TRIP12: variants seen among roughly 807,000 people sequenced by gnomAD.
The protein encoded by TRIP12 is E3 ubiquitin-protein ligase TRIP12.
A neutral mutation model predicts 244.2 loss-of-function variants in TRIP12; 25 were observed. The ratio of observed to expected loss-of-function variants is 0.10; its 90% CI spans 0.07 to 0.14. TRIP12 has a LOEUF of 0.14. Ranked by LOEUF, TRIP12 falls within the 10% of genes least tolerant of loss-of-function variation. The pLI is 1.00. For synonymous variants in TRIP12, 905 were observed against 873.1 expected, an observed-to-expected ratio of 1.04 and a Z score of -0.64; for missense variants, 1,677 against 2,486.4, an observed-to-expected ratio of 0.67 and a Z score of 6.92.
intron 8 of TRIP12, among the ~76,000 whole-genome samples, chr2:229,822,372 A>G (rs1243616967): frequency 1.3e-5 from 2 of 152,296 alleles, no homozygotes; most frequent in Admixed American, 1.3e-4. Flanking sequence ...ACATTTTGAG[A>G]CTGCTCAACT....
At chr2:229,898,053 G>C in intron 1 of TRIP12, among the ~76,000 whole-genome samples, 1 of 152,180 alleles carries the variant, frequency 6.6e-6, no homozygotes, top group East Asian at 1.9e-4. Context: ...TTAGAAAGCA[G>C]TCTTTAGAGA....
chr2:229,785,633 CAAGAGAAAA>C, intron 34 of TRIP12, 115 bp downstream of exon 34: 1 of 866,126 alleles, frequency 1.2e-6, no homozygotes, highest in Non-Finnish European at 1.7e-6. Flanking sequence ...ACAAATCATT[CAAGAGAAAA>C]GAGAGCAAAG....
chr2:229,873,752 T>A (rs1560032000), intron 2 of TRIP12, among the ~76,000 whole-genome samples: 1 of 152,050 alleles, frequency 6.6e-6, no homozygotes, highest in Non-Finnish European at 1.5e-5. Context: ...TAAAGAAAAA[T>A]AATAAATAGA....
chr2:229,878,499 G>C (rs1202141595), intron 2 of TRIP12, among the ~76,000 whole-genome samples: 1 of 151,228 alleles, frequency 6.6e-6, no homozygotes, highest in Non-Finnish European at 1.5e-5. Flanking sequence ...AGCTGCCCTA[G>C]TCCAAAGTCC....
Position 229,815,113 on chromosome 2 carries a change from C to T in TRIP12, c.1717G>A (p.Val573Ile). Residue 573 changes from valine to isoleucine, a missense_variant, in exon 11 of 42, where the codon GTC becomes ATC. Transcript: ENST00000675903. ...AGTAGGATCACCTTTTCTAAAAAGA[C>T]AGGAATAGCATCTACTACAACAGCA... ...SSAVVVDAIP[V>I]FLEKLQVIQC... is the part of the protein sequence containing the mutation. The T allele has an allele frequency of 1.9e-6, 3 of 1,610,252 alleles. No individual in the cohort carries two copies. The highest frequency in any genetic ancestry group is 2.5e-6 in the Non-Finnish European group (3 of 1,178,674).
intron 2 of TRIP12, among the ~76,000 whole-genome samples, chr2:229,863,457 A>C (rs1282016043): frequency 2.0e-4 from 30 of 152,240 alleles, no homozygotes; most frequent in Non-Finnish European, 1.5e-5. Context: ...GCAATACTGT[A>C]TGTCAAAAAA....
intron 1 of TRIP12, among the ~76,000 whole-genome samples, chr2:229,914,373 A>C (rs2074967369): frequency 6.6e-6 from 1 of 152,196 alleles, no homozygotes; most frequent in South Asian, 2.1e-4. Flanking sequence ...GAATTACGAA[A>C]CACTGGGGTC....
At chr2:229,772,656 G>T (rs1273623309) in intron 38 of TRIP12, among the ~76,000 whole-genome samples, 1 of 152,058 alleles carries the variant, frequency 6.6e-6, no homozygotes, top group East Asian at 1.9e-4. Flanking sequence ...TAGAGACGGG[G>T]TTTCACGATG....
intron 15 of TRIP12, among the ~76,000 whole-genome samples, 173 bp from the exon 16 acceptor site, chr2:229,808,542 A>T (rs1411813714): frequency 6.6e-6 from 1 of 152,210 alleles, no homozygotes; most frequent in Non-Finnish European, 1.5e-5. Context: ...GCCTAAAAAA[A>T]ATTTGTGTAG....
In TRIP12 at chr2:229,843,503, G is replaced by A. The variant is rs549924009; in HGVS notation, c.1028-2576C>T. 1.3e-3 allele frequency among the ~76,000 whole-genome samples: 201 copies of A among 152,290 alleles called. 7 individuals are homozygous for A. In the South Asian group the frequency reaches 0.04, roughly 30 times the overall value. ...GCACTTTGGGAGGCCAAGGCCTGAG[G>A]ATCATTTGAGTCCTGAGAGTCTGAG... On this transcript the variant is annotated intron_variant, in intron 4 of 41. Coordinates refer to ENST00000675903, the MANE Select transcript of TRIP12 (RefSeq NM_001348323.3).
chr2:229,889,028 C>T (rs137999121), intron 1 of TRIP12, among the ~76,000 whole-genome samples: 62 of 152,132 alleles, frequency 4.1e-4, no homozygotes, highest in Middle Eastern at 3.4e-3. Context: ...AAATTTTGAG[C>T]ATATGTATTT....
intron 4 of TRIP12, among the ~76,000 whole-genome samples, chr2:229,856,718 A>C (rs552690416): frequency 6.6e-6 from 1 of 152,352 alleles, no homozygotes; most frequent in East Asian, 1.9e-4. Context: ...CAGGGAGGAA[A>C]GGCAGCATAA....
intron 2 of TRIP12, among the ~76,000 whole-genome samples, chr2:229,860,846 T>C (rs1025124893): frequency 3.3e-5 from 5 of 152,140 alleles, no homozygotes; most frequent in African/African-American, 4.8e-5. Flanking sequence ...TATTCAAATA[T>C]GCTACATTTT....
rs576915402 is a variant in TRIP12, at chr2:229,807,612, AG to A, written c.2496+95del. ...AGAATCTTGAGTTAATTCAAAATCA[AG>A]CACATTCAAATCCACATATCCACCT... On this transcript the variant is annotated intron_variant, in intron 17 of 41. Coordinates refer to ENST00000675903, the MANE Select transcript of TRIP12 (RefSeq NM_001348323.3). 2.3e-3 allele frequency: 3,352 copies of A among 1,428,560 alleles called. 12 individuals carry two copies. Among genetic ancestry groups the A allele is most frequent in the Non-Finnish European group, 2.1e-3 (2,153 of 1,012,982 alleles). The allele number at this position is 1,428,560 out of a possible 1,614,324, so 88.5% of individuals were successfully genotyped here.
chr2:229,918,660 TA>T (rs1474741722), intron 1 of TRIP12, among the ~76,000 whole-genome samples: 1 of 152,174 alleles, frequency 6.6e-6, no homozygotes, highest in Non-Finnish European at 1.5e-5. Flanking sequence ...AAGGTAACTT[TA>T]AAAAGACAAA....
intron 8 of TRIP12, among the ~76,000 whole-genome samples, chr2:229,822,627 A>G (rs1407192068): frequency 6.6e-6 from 1 of 152,194 alleles, no homozygotes; most frequent in Non-Finnish European, 1.5e-5. Flanking sequence ...CTAGCAGAAA[A>G]TATCATTTTG....
intron 1 of TRIP12, among the ~76,000 whole-genome samples, chr2:229,884,792 G>C (rs1196754544): frequency 6.6e-6 from 1 of 152,174 alleles, no homozygotes; most frequent in East Asian, 1.9e-4. Context: ...CACAGGTACA[G>C]AAACCTTGTC....
intron 21 of TRIP12, 38 bp from the exon 22 acceptor site, chr2:229,799,421 C>T (rs1453796297): frequency 1.3e-6 from 2 of 1,545,452 alleles, no homozygotes; most frequent in Non-Finnish European, 1.8e-6. Flanking sequence ...TTAGCAATTA[C>T]CACTGTTTTA....
chr2:229,813,885 T>C lies in TRIP12; in HGVS notation c.1971A>G (p.Gln657=). ...FVADSLPLLT[Q]RLTHQDKKSV... ...CATATTTTACCTGATGTGTTAGCCT[T>C]TGGGTTAGCAATGGGAGTGAATCTG... Residue 657 remains glutamine, a synonymous_variant, in exon 13 of 42, where the codon CAA becomes CAG. Transcript: ENST00000675903. 1.3e-6 allele frequency: 2 copies of C among 1,553,094 alleles called. No individual in the cohort carries two copies. Among genetic ancestry groups the C allele is most frequent in the Non-Finnish European group, 1.8e-6 (2 of 1,137,206 alleles).
Sources: allele counts gnomAD v4.1 joint callset (sites outside exome capture counted in the v4.1 genomes callset), GRCh38; gene constraint gnomAD v4.1.1; transcripts MANE v1.5; gene names NCBI Gene and HGNC (gene_info 2026-07-23, HGNC 2026-07-21).